Variants in ADAMTS19 observed in about 807,000 individuals in gnomAD.
The protein encoded by ADAMTS19 is ADAM metallopeptidase with thrombospondin type 1 motif 19.
In ADAMTS19, 93 loss-of-function variants were observed where a neutral mutation model predicts 153.3. That is an observed-to-expected ratio of 0.61 (90% CI 0.51 to 0.72). The LOEUF (loss-of-function observed/expected upper bound fraction) is 0.72, where lower values mean the gene tolerates loss of function less well. Ranked by LOEUF, ADAMTS19 falls within the 30% of genes least tolerant of loss-of-function variation. The pLI, the probability that ADAMTS19 is intolerant of heterozygous loss-of-function variation, is 0.00. For synonymous variants in ADAMTS19, 600 were observed against 556.6 expected (o/e 1.08, Z -1.10); for missense variants, 1,482 against 1,552.1 (o/e 0.95, Z 0.76).
intron 19 of ADAMTS19, among the ~76,000 whole-genome samples, chr5:129,696,900 G>A (rs892205895): frequency 1.3e-5 from 2 of 152,086 alleles, no homozygotes; most frequent in African/African-American, 4.8e-5. Context: ...ACCTCCAGGG[G>A]CAACAGATGG....
chr5:129,462,974 T>C (rs552306811), intron 2 of ADAMTS19, among the ~76,000 whole-genome samples: 38 of 152,256 alleles, frequency 2.5e-4, no homozygotes, highest in Admixed American at 1.6e-3. Context: ...CAAGATCCCA[T>C]AGTCAAATGA....
intron 3 of ADAMTS19, 77 bp downstream of exon 3, chr5:129,509,319 A>G (rs1751360413): frequency 6.2e-6 from 8 of 1,283,980 alleles, no homozygotes; most frequent in Non-Finnish European, 8.5e-6. Flanking sequence ...TCTCTCGTCT[A>G]TTTACTAGCT....
chr5:129,662,025 G>T (rs1158299760), intron 15 of ADAMTS19, among the ~76,000 whole-genome samples: 1 of 152,086 alleles, frequency 6.6e-6, no homozygotes, highest in Non-Finnish European at 1.5e-5. Flanking sequence ...GTTGGAAAGT[G>T]TTTTTTTCCT....
At chr5:129,616,922 T>C (rs1751558695) in intron 8 of ADAMTS19, among the ~76,000 whole-genome samples, 1 of 152,004 alleles carries the variant, frequency 6.6e-6, no homozygotes, top group South Asian at 2.1e-4. Context: ...AAAAGCACCA[T>C]TGTGTGGTAG....
intron 15 of ADAMTS19, among the ~76,000 whole-genome samples, chr5:129,663,049 T>C (rs1313516459): frequency 6.6e-6 from 1 of 151,818 alleles, no homozygotes; most frequent in Non-Finnish European, 1.5e-5. Flanking sequence ...CATGTGCCAC[T>C]ATACCCAGCT....
At position 129,654,388 on chromosome 5, in the gene ADAMTS19, T is replaced by C; in HGVS notation, c.2259T>C (p.Ser753=). 6.2e-7 allele frequency: 1 copy of C among 1,613,358 alleles called. No homozygotes were observed. The highest frequency in any genetic ancestry group is 1.3e-5 in the African/African-American group (1 of 74,992). ...LLSEKVMDGT[S]CGYQGLDICA... is the part of the protein sequence containing the mutation. ...CAGAAAAAGTGATGGATGGAACTTC[T>C]TGTGGCTATCAGGGATTAGATATCT... Residue 753 remains serine, a synonymous_variant, in exon 14 of 23, where the codon TCT becomes TCC. Coordinates refer to ENST00000274487, the MANE Select transcript of ADAMTS19 (RefSeq NM_133638.6).
At chr5:129,733,099 T>C (rs567040944) in intron 21 of ADAMTS19, among the ~76,000 whole-genome samples, 1 of 152,178 alleles carries the variant, frequency 6.6e-6, no homozygotes, top group South Asian at 2.1e-4. Flanking sequence ...AAAAATTGGA[T>C]AGCCATATGC....
chr5:129,565,774 G>A (rs1262071321), intron 7 of ADAMTS19, among the ~76,000 whole-genome samples: 1 of 151,990 alleles, frequency 6.6e-6, no homozygotes, highest in African/African-American at 2.4e-5. Context: ...TAAACATAGA[G>A]AAGCCTTAGT....
chr5:129,691,227 A>G (rs17163068), intron 18 of ADAMTS19, among the ~76,000 whole-genome samples: 6,744 of 152,256 alleles, frequency 0.044, 454 homozygotes, highest in African/African-American at 0.15. Flanking sequence ...AGATATTGCA[A>G]TTCAATAGAG....
Position 129,461,456 on chromosome 5 carries a change from C to A in ADAMTS19, c.446C>A (p.Pro149Gln). Residue 149 changes from proline (P) to glutamine (Q), a missense_variant, in exon 2 of 23, where the codon CCG (proline) becomes CAG (glutamine). This residue lies in a region of ADAMTS19 where 866 missense variants were observed against 827.7 expected (regional missense o/e 1.05). Transcript: ENST00000274487. This position sits in a 1 kb window ranked among gnomAD's most constrained non-coding sequence, Gnocchi z 4.6. Reference protein sequence around the residue: ...SPGAPASWQPPPPPQPPPSPP... With the variant: ...SPGAPASWQPQPPPQPPPSPP... Reference sequence around the variant, plus strand: ...GGCGCCCCGGCCTCGTGGCAGCCGCCGCCTCCCCCGCAGCCGCCCCCGTCC... The same window carrying A: ...GGCGCCCCGGCCTCGTGGCAGCCGCAGCCTCCCCCGCAGCCGCCCCCGTCC... 6.9e-7 allele frequency: 1 copy of A among 1,449,100 alleles called. No individual in the cohort carries two copies. Among genetic ancestry groups the A allele is most frequent in the African/African-American group, 1.5e-5 (1 of 67,322 alleles). 89.8% of individuals were successfully genotyped at this position (1,449,100 alleles called of 1,614,324 possible). A position where few individuals can be genotyped will look rare whatever the true frequency, so the allele number is the denominator to read the frequency against.
At chr5:129,577,441 G>A (rs1302411798) in intron 7 of ADAMTS19, among the ~76,000 whole-genome samples, 1 of 152,052 alleles carries the variant, frequency 6.6e-6, no homozygotes, top group Non-Finnish European at 1.5e-5. Flanking sequence ...AGAAAAAATA[G>A]CCCATACAAA....
intron 8 of ADAMTS19, among the ~76,000 whole-genome samples, chr5:129,600,874 T>C (rs1750614253): frequency 6.6e-6 from 1 of 151,848 alleles, no homozygotes; most frequent in African/African-American, 2.4e-5. Flanking sequence ...ATTATTATTA[T>C]TATTATTATT....
At chr5:129,589,161 A>G (rs1004491744) in intron 7 of ADAMTS19, among the ~76,000 whole-genome samples, 4 of 151,710 alleles carry the variant, frequency 2.6e-5, no homozygotes, top group South Asian at 4.1e-4. Context: ...TACTTCCTTC[A>G]TTGCATAAAT....
chr5:129,522,299 G>GTGTGTA, intron 3 of ADAMTS19, among the ~76,000 whole-genome samples: 1 of 97,718 alleles, frequency 1.0e-5, no homozygotes, highest in East Asian at 3.2e-4. Context: ...GTGTGTGTGT[G>GTGTGTA]TATATATATA....
chr5:129,522,292 T>A (rs1350541336), intron 3 of ADAMTS19, among the ~76,000 whole-genome samples: 1 of 122,328 alleles, frequency 8.2e-6, no homozygotes, highest in African/African-American at 3.4e-5. Context: ...GTTGTATGTG[T>A]GTGTGTGTAT....
At chr5:129,608,003 T>C (rs1033233310) in intron 8 of ADAMTS19, among the ~76,000 whole-genome samples, 6 of 147,656 alleles carry the variant, frequency 4.1e-5, no homozygotes, top group African/African-American at 1.5e-4. Context: ...TCTATATATA[T>C]AATGGAATAT....
At chr5:129,581,586 C>T (rs913325753) in intron 7 of ADAMTS19, among the ~76,000 whole-genome samples, 10 of 147,620 alleles carry the variant, frequency 6.8e-5, no homozygotes, top group South Asian at 4.2e-4. Flanking sequence ...AAGGGTTTTT[C>T]GTGTCTCTGT....
chr5:129,485,947 C>G (rs114249935), intron 2 of ADAMTS19, among the ~76,000 whole-genome samples: 2 of 152,022 alleles, frequency 1.3e-5, no homozygotes, highest in Non-Finnish European at 2.9e-5. Context: ...CCCACCACCA[C>G]GCCTGAACAA....
chr5:129,544,987 C>T (rs1334166084), intron 6 of ADAMTS19, among the ~76,000 whole-genome samples: 3 of 152,072 alleles, frequency 2.0e-5, no homozygotes, highest in African/African-American at 7.2e-5. Context: ...TTTCAACTTA[C>T]ACCATGAGGC....
Sources: allele counts gnomAD v4.1 joint callset (sites outside exome capture counted in the v4.1 genomes callset), GRCh38; gene constraint gnomAD v4.1.1; regional missense constraint gnomAD v4.1.1; non-coding constraint Gnocchi (gnomAD v3.1); transcripts MANE v1.5; gene names NCBI Gene and HGNC (gene_info 2026-07-23, HGNC 2026-07-21).